SH3GL3: variants seen among roughly 807,000 people sequenced by gnomAD.
SH3GL3 encodes the protein SH3 domain containing GRB2 like 3, endophilin A3, also known as endophilin-A3.
In SH3GL3, 33 loss-of-function variants were observed where a neutral mutation model predicts 47.7. The ratio of observed to expected loss-of-function variants is 0.69; its 90% CI spans 0.52 to 0.92. The LOEUF is 0.92. Ranked by LOEUF, SH3GL3 falls within the 40% of genes least tolerant of loss-of-function variation. The pLI is 0.00. For missense variants in SH3GL3, 363 were observed against 417.8 expected, an observed-to-expected ratio of 0.87 and a Z score of 1.14; for synonymous variants, 155 against 148.8, an observed-to-expected ratio of 1.04 and a Z score of -0.30.
At chr15:83,501,208 A>G (rs954322659) in intron 1 of SH3GL3, among the ~76,000 whole-genome samples, 1 of 152,262 alleles carries the variant, frequency 6.6e-6, no homozygotes, top group Non-Finnish European at 1.5e-5. Context: ...TAACAACTTT[A>G]TAACATTTAT....
At chr15:83,483,301 CT>C (rs1294945386) in intron 1 of SH3GL3, among the ~76,000 whole-genome samples, 5 of 152,198 alleles carry the variant, frequency 3.3e-5, no homozygotes, top group Admixed American at 3.3e-4. Context: ...CCAGTGCAAA[CT>C]TTCTGTGCTG....
chr15:83,526,779 T>C (rs1355853558), intron 1 of SH3GL3, among the ~76,000 whole-genome samples: 2 of 152,130 alleles, frequency 1.3e-5, no homozygotes, highest in African/African-American at 4.8e-5. Flanking sequence ...GAGTTTGTCA[T>C]ATAACAAACC....
At chr15:83,543,110 G>C (rs375350218) in intron 1 of SH3GL3, among the ~76,000 whole-genome samples, 4 of 152,020 alleles carry the variant, frequency 2.6e-5, no homozygotes, top group African/African-American at 9.6e-5. Flanking sequence ...TACCAGCTGT[G>C]GGTCTGTTGT....
At chr15:83,567,357 T>C (rs2045598183) in intron 3 of SH3GL3, among the ~76,000 whole-genome samples, 1 of 152,214 alleles carries the variant, frequency 6.6e-6, no homozygotes, top group African/African-American at 2.4e-5. Context: ...AATTATGTCC[T>C]GTATATTCTG....
At chr15:83,481,815 G>A (rs1431246694) in intron 1 of SH3GL3, among the ~76,000 whole-genome samples, 2 of 152,180 alleles carry the variant, frequency 1.3e-5, no homozygotes, top group African/African-American at 4.8e-5. Flanking sequence ...AAGAGGCTGT[G>A]CTCTTGGAGT....
chr15:83,465,780 A>G (rs910091889), intron 1 of SH3GL3, among the ~76,000 whole-genome samples: 3 of 152,198 alleles, frequency 2.0e-5, no homozygotes, highest in African/African-American at 7.2e-5. Context: ...GTTTTTCAAT[A>G]TAATTGTGTT....
chr15:83,595,380 T>A (rs941696109), intron 8 of SH3GL3, among the ~76,000 whole-genome samples: 19 of 151,908 alleles, frequency 1.3e-4, no homozygotes, highest in African/African-American at 4.4e-4. Flanking sequence ...AGGGTGAGAA[T>A]TGAAAAACTA....
chr15:83,526,727 C>T (rs969127708), intron 1 of SH3GL3, among the ~76,000 whole-genome samples: 1 of 152,044 alleles, frequency 6.6e-6, no homozygotes, highest in African/African-American at 2.4e-5. Context: ...AGGCTTAATA[C>T]TTGGGTGATG....
chr15:83,458,927 A>G (rs1373990816), intron 1 of SH3GL3, among the ~76,000 whole-genome samples: 3 of 152,216 alleles, frequency 2.0e-5, no homozygotes, highest in Non-Finnish European at 4.4e-5. Context: ...CACGATCACA[A>G]GGTGAAGTCC....
the SH3GL3 span, among the ~76,000 whole-genome samples, chr15:83,626,710 G>T: frequency 6.6e-6 from 1 of 152,194 alleles, no homozygotes; most frequent in Non-Finnish European, 1.5e-5. Flanking sequence ...CTTGGTAGAG[G>T]CTCACAGTGG....
chr15:83,487,529 T>A (rs1412884985), intron 1 of SH3GL3, among the ~76,000 whole-genome samples: 2 of 152,226 alleles, frequency 1.3e-5, no homozygotes, highest in Non-Finnish European at 2.9e-5. Flanking sequence ...GCAATAAATC[T>A]ATGTGCAAGA....
intron 8 of SH3GL3, among the ~76,000 whole-genome samples, chr15:83,589,852 G>GT (rs1354845437): frequency 2.6e-5 from 4 of 152,112 alleles, no homozygotes; most frequent in Non-Finnish European, 5.9e-5. Flanking sequence ...GGACGTTAAG[G>GT]TTTTTTCCAG....
intron 1 of SH3GL3, among the ~76,000 whole-genome samples, chr15:83,551,136 A>G (rs763603577): frequency 2.0e-5 from 3 of 152,192 alleles, no homozygotes; most frequent in Non-Finnish European, 2.9e-5. Flanking sequence ...AATTTCTTTT[A>G]TAATTTGTCA....
Position 83,521,161 on chromosome 15 carries a change from G to T in SH3GL3, c.46-38092G>T, listed in dbSNP as rs183477412. Among the ~76,000 whole-genome samples, 15 of 152,214 alleles carry T rather than the reference G, an allele frequency of 9.9e-5. No homozygotes were observed. In the East Asian group the frequency reaches 2.9e-3, roughly 29 times the overall value. On this transcript the variant is annotated intron_variant, in intron 1 of 8. Transcript: ENST00000427482. ...TTGGTAACCAAATGTAGATCTATCT[G>T]CAATGGAAAGTGACATTTTGTGAGC...
At chr15:83,593,818 ATT>A (rs112418681) in intron 8 of SH3GL3, among the ~76,000 whole-genome samples, 144 of 147,834 alleles carry the variant, frequency 9.7e-4, no homozygotes, top group Non-Finnish European at 1.7e-3. Context: ...TTTTTCATAG[ATT>A]TTTTTTTTTT....
chr15:83,624,316 C>T, the SH3GL3 span, among the ~76,000 whole-genome samples: 4 of 152,170 alleles, frequency 2.6e-5, no homozygotes, highest in Admixed American at 6.5e-5. Flanking sequence ...CAAATCTCCC[C>T]CTACGGCACC....
chr15:83,543,478 TTGAC>T (rs1227299685), intron 1 of SH3GL3, among the ~76,000 whole-genome samples: 12 of 152,050 alleles, frequency 7.9e-5, no homozygotes, highest in African/African-American at 2.9e-4. Context: ...TGATGTATCT[TTGAC>T]TGGTTTAGGT....
chr15:83,490,345 A>G (rs1294112564), intron 1 of SH3GL3, among the ~76,000 whole-genome samples: 1 of 145,136 alleles, frequency 6.9e-6, no homozygotes, highest in East Asian at 2.0e-4. Context: ...GTGACTTCTT[A>G]TATGCCAGTC....
chr15:83,458,668 G>T (rs912938376), intron 1 of SH3GL3, among the ~76,000 whole-genome samples: 1 of 152,090 alleles, frequency 6.6e-6, no homozygotes, highest in Non-Finnish European at 1.5e-5. Flanking sequence ...GTGCTTCAGT[G>T]CTTCTCCAGT....
Sources: gnomAD v4.1 joint callset for allele counts (sites outside exome capture counted in the v4.1 genomes callset) on GRCh38, gnomAD v4.1.1 for gene constraint, MANE v1.5 for transcripts, NCBI Gene and HGNC (gene_info 2026-07-23, HGNC 2026-07-21) for gene names.